The following MAPK10 variants were observed in gnomAD, a reference collection of about 807,000 sequenced individuals.
The protein encoded by MAPK10 is mitogen-activated protein kinase 10, also known as JNK3 alpha protein kinase.
MAPK10 carries 25 observed loss-of-function variants against 59.3 expected under a neutral mutation model. That is an observed-to-expected ratio of 0.42 (90% CI 0.31 to 0.59). MAPK10 has a LOEUF of 0.59. Among genes scored for constraint, MAPK10 ranks in the 20% least tolerant of loss-of-function variants. MAPK10 has a pLI of 0.15. For synonymous variants in MAPK10, 190 were observed against 200.5 expected (o/e 0.95, Z 0.44); for missense variants, 351 against 568.9 (o/e 0.62, Z 3.90).
intron 2 of MAPK10, among the ~76,000 whole-genome samples, chr4:86,328,999 C>T (rs1035069434): frequency 4.6e-5 from 7 of 152,054 alleles, no homozygotes; most frequent in African/African-American, 9.7e-5. Context: ...GCACATGTAT[C>T]CCGGGACTTA....
intron 2 of MAPK10, among the ~76,000 whole-genome samples, chr4:86,218,026 TATC>T (rs2088233009): frequency 6.6e-6 from 1 of 152,110 alleles, no homozygotes; most frequent in Non-Finnish European, 1.5e-5. Flanking sequence ...TTATTCCAAT[TATC>T]ATCACACTGA....
At chr4:86,546,079 C>T (rs1311564230) in intron 1 of MAPK10, among the ~76,000 whole-genome samples, 4 of 151,216 alleles carry the variant, frequency 2.6e-5, no homozygotes, top group South Asian at 2.1e-4. Context: ...AAAATTTAGC[C>T]GGGTGTGGTG....
At chr4:86,556,615 AT>A (rs1439974565) in intron 1 of MAPK10, among the ~76,000 whole-genome samples, 3 of 152,194 alleles carry the variant, frequency 2.0e-5, no homozygotes, top group African/African-American at 7.2e-5. Flanking sequence ...GAAATAATAC[AT>A]AAAACAAATA....
intron 1 of MAPK10, among the ~76,000 whole-genome samples, chr4:86,553,833 C>T (rs555112582): frequency 6.6e-6 from 1 of 152,122 alleles, no homozygotes; most frequent in East Asian, 1.9e-4. Flanking sequence ...TTTCCTTCTA[C>T]TTCTCTAAGT....
chr4:86,118,747 C>T (rs985044752), intron 4 of MAPK10, among the ~76,000 whole-genome samples: 2 of 152,072 alleles, frequency 1.3e-5, no homozygotes, highest in African/African-American at 4.8e-5. Context: ...TTTCTTGTTC[C>T]TCTTTCCCTT....
At chr4:86,325,348 T>C (rs569386168) in intron 2 of MAPK10, among the ~76,000 whole-genome samples, 2 of 152,292 alleles carry the variant, frequency 1.3e-5, no homozygotes, top group African/African-American at 4.8e-5. Flanking sequence ...ACTACTATTA[T>C]CTCCATTCAA....
rs192210304 is a variant in MAPK10, at chr4:86,250,369, A to G, written c.-6-55962T>C. Among the ~76,000 whole-genome samples the G allele has an allele frequency of 1.9e-4, 29 of 152,314 alleles. No individual in the cohort carries two copies. In the East Asian group the frequency reaches 2.3e-3, roughly 12 times the overall value. On this transcript the variant is annotated intron_variant, in intron 2 of 13. Transcript: ENST00000641462. ...TCATTCAGAGGTCTTAAAACATCCC[A>G]GACAGACTTACTCTATTCTATTTTA...
At chr4:86,093,452 A>C (rs2053625544) in intron 9 of MAPK10, among the ~76,000 whole-genome samples, 1 of 151,988 alleles carries the variant, frequency 6.6e-6, no homozygotes, top group African/African-American at 2.4e-5. Context: ...ATTATAAGTT[A>C]TAAAGTTAGC....
chr4:86,101,817 C>A, intron 7 of MAPK10, 77 bp downstream of exon 7: 1 of 1,462,596 alleles, frequency 6.8e-7, no homozygotes, highest in Non-Finnish European at 9.5e-7. Context: ...CCAATGCCCC[C>A]CGTATAAAGA....
In MAPK10 at chr4:86,384,709, G is replaced by C. The variant is rs1741232423; in HGVS notation, c.-121-30065C>G. Reference sequence around the variant, plus strand: ...ATATGCTTTCAATGTGGAGACGACAGATTTGCCAACTGTAGGATTAGATGT... The same window carrying C: ...ATATGCTTTCAATGTGGAGACGACACATTTGCCAACTGTAGGATTAGATGT... On this transcript the variant is annotated intron_variant, in intron 1 of 13. Transcript: ENST00000361569. 2.6e-5 allele frequency among the ~76,000 whole-genome samples: 4 copies of C among 152,196 alleles called. No homozygotes were observed. The South Asian group carries it at 8.3e-4, about 31-fold the overall frequency.
chr4:86,544,187 G>C (rs1386219453), intron 1 of MAPK10, among the ~76,000 whole-genome samples: 1 of 152,178 alleles, frequency 6.6e-6, no homozygotes, highest in Non-Finnish European at 1.5e-5. Context: ...CTTAACCCAA[G>C]AGGTGATGGA....
At chr4:86,125,593 G>C (rs1483603734) in intron 4 of MAPK10, 1 of 151,984 alleles carries the variant, frequency 6.6e-6, no homozygotes, top group Non-Finnish European at 1.5e-5. Flanking sequence ...AAAAGAGTTA[G>C]AACTAAGGAC....
intron 2 of MAPK10, among the ~76,000 whole-genome samples, chr4:86,243,465 G>A (rs1391633985): frequency 6.6e-6 from 1 of 152,084 alleles, no homozygotes; most frequent in East Asian, 1.9e-4. Context: ...CCTCACAATG[G>A]CCTGATAGGT....
At position 86,252,599 on chromosome 4, in the gene MAPK10, G is replaced by A. The variant is rs1231983946; in HGVS notation, c.-6-58192C>T. On this transcript the variant is annotated intron_variant, in intron 2 of 13. Transcript: ENST00000641462. ...AGCCTTGTAGTATAGTTTGAAGTCA[G>A]GTAGGGTGATGCCTCCAGCTTTGTT... is the stretch of plus-strand genomic sequence containing the variant. Among the ~76,000 whole-genome samples the A allele has an allele frequency of 8.1e-4, 109 of 134,658 alleles. No individual in the cohort carries two copies. The East Asian group carries it at 0.02, about 25-fold the overall frequency. The allele number at this position is 134,658 out of a possible 152,430, so 88.3% of individuals were successfully genotyped here. A position where few individuals can be genotyped will look rare whatever the true frequency, so the allele number is the denominator to read the frequency against.
intron 13 of MAPK10, among the ~76,000 whole-genome samples, chr4:86,019,904 T>C (rs954371137): frequency 6.6e-6 from 1 of 152,244 alleles, no homozygotes; most frequent in South Asian, 2.1e-4. Context: ...ACTTGAGGTA[T>C]AGAATGATGC....
chr4:86,084,625 A>G (rs914226812), intron 9 of MAPK10, among the ~76,000 whole-genome samples: 2 of 152,172 alleles, frequency 1.3e-5, no homozygotes, highest in African/African-American at 4.8e-5. Context: ...GAAAGATATT[A>G]CATATTCATT....
intron 4 of MAPK10, among the ~76,000 whole-genome samples, chr4:86,131,853 T>G (rs906871233): frequency 6.6e-6 from 1 of 152,140 alleles, no homozygotes; most frequent in African/African-American, 2.4e-5. Flanking sequence ...TCTGAAACAC[T>G]GAGAAAACAC....
chr4:86,093,246 T>G (rs962758880), intron 9 of MAPK10, among the ~76,000 whole-genome samples: 10 of 151,960 alleles, frequency 6.6e-5, no homozygotes, highest in Non-Finnish European at 1.2e-4. Flanking sequence ...GTTTCCTCTC[T>G]GGGGGATTAC....
chr4:86,142,476 T>C (rs564087794), intron 4 of MAPK10, among the ~76,000 whole-genome samples: 1 of 152,158 alleles, frequency 6.6e-6, no homozygotes, highest in Non-Finnish European at 1.5e-5. Flanking sequence ...GTATCTCTTA[T>C]GTTCAAGACA....
Sources: allele counts gnomAD v4.1 joint callset (sites outside exome capture counted in the v4.1 genomes callset), GRCh38; gene constraint gnomAD v4.1.1; transcripts MANE v1.5; gene names NCBI Gene and HGNC (gene_info 2026-07-23, HGNC 2026-07-21).